The following ELMO2 variants were observed in gnomAD, a reference collection of about 807,000 sequenced individuals.
The protein encoded by ELMO2 is engulfment and cell motility 2, also known as engulfment and cell motility protein 2.
Under a neutral mutation model 96.2 loss-of-function variants are expected in ELMO2, and 37 were observed. That is an observed-to-expected ratio of 0.38 (90% CI 0.30 to 0.51). ELMO2 has a LOEUF of 0.51. Ranked by LOEUF, ELMO2 falls within the 20% of genes least tolerant of loss-of-function variation. The pLI is 0.88. For synonymous variants in ELMO2, 315 were observed against 329.4 expected (o/e 0.96, Z 0.47); for missense variants, 561 against 912.6 (o/e 0.61, Z 4.96).
intron 5 of ELMO2, 24 bp downstream of exon 5, chr20:46,393,505 G>A: frequency 6.2e-7 from 1 of 1,611,670 alleles, no homozygotes; most frequent in South Asian, 1.1e-5. Context: ...GGCCCATATT[G>A]ATTTTGCCTC....
rs1247869989 is a variant in ELMO2 at position 46,387,433 on chromosome 20, T to C, written c.430A>G (p.Ser144Gly). 6.2e-7 allele frequency: 1 copy of C among 1,613,318 alleles called. No individual in the cohort carries two copies. Among genetic ancestry groups the C allele is most frequent in the Non-Finnish European group, 8.5e-7 (1 of 1,179,556 alleles). Residue 144 changes from serine to glycine, a missense_variant, in exon 8 of 22, where the codon AGT becomes GGT. Ser to Gly is a moderately conservative substitution (Grantham distance 56). Coordinates refer to ENST00000290246, the MANE Select transcript of ELMO2 (RefSeq NM_133171.5). ...GTCAGGGTGAATGCCAGCATCTCAC[T>C]GTAGCTGAGACACGTGCAACACACA... ...ESGTKLLSHYSEMLAFTLTAF... is the reference protein window; with the variant it reads ...ESGTKLLSHYGEMLAFTLTAF...
At chr20:46,405,060 A>G (rs904542541) in intron 1 of ELMO2, among the ~76,000 whole-genome samples, 6 of 152,264 alleles carry the variant, frequency 3.9e-5, no homozygotes, top group Middle Eastern at 3.4e-3. Context: ...TTTGGTAAAT[A>G]TTTATATTGC....
chr20:46,394,253 C>T, intron 3 of ELMO2, 152 bp downstream of exon 3: 1 of 1,115,762 alleles, frequency 9.0e-7, no homozygotes, highest in Non-Finnish European at 1.3e-6. Flanking sequence ...TGGTGACCGA[C>T]CTTCCCTAGG....
At chr20:46,392,998 C>A in intron 6 of ELMO2, 95 bp downstream of exon 6, 1 of 1,103,460 alleles carries the variant, frequency 9.1e-7, no homozygotes, top group Admixed American at 1.9e-5. Context: ...TTCTTATCTC[C>A]AGAGTACTTA....
chr20:46,370,237 T>C (rs2059674671), intron 20 of ELMO2: 3 of 680,286 alleles, frequency 4.4e-6, no homozygotes, highest in Non-Finnish European at 8.1e-6. Context: ...GAGAAACAAG[T>C]GGATGGGCAG....
chr20:46,406,603 C>T lies in ELMO2; in HGVS notation c.-181G>A, dbSNP rs1040273238. ...CCCGGGTCTCCGCTCGGCGGCTCCT[C>T]CAGCCTCCGCCCGCCCCGCCTTCTT... On this transcript the variant is annotated 5_prime_UTR_variant, in exon 1 of 22. Transcript: ENST00000290246. The T allele has an allele frequency of 1.3e-5, 2 of 152,808 alleles. No individual in the cohort carries two copies. The highest frequency in any genetic ancestry group is 2.9e-5 in the Non-Finnish European group (2 of 68,520). The allele number at this position is 152,808 out of a possible 1,614,324, so 9.5% of individuals were successfully genotyped here. A position where few individuals can be genotyped will look rare whatever the true frequency, so the allele number is the denominator to read the frequency against.
At position 46,387,124 on chromosome 20, in the gene ELMO2, A is replaced by T. The variant is rs996633689; in HGVS notation, c.525+214T>A. Among the ~76,000 whole-genome samples, 43 of 152,136 alleles carry T rather than the reference A, an allele frequency of 2.8e-4. 2 individuals are homozygous for T. Reference sequence around the variant, plus strand: ...TCTACTTTGATCATATTTAGTTCTGACGGTCCAGTTCCATCTCAGTGCAGG... The same window carrying T: ...TCTACTTTGATCATATTTAGTTCTGTCGGTCCAGTTCCATCTCAGTGCAGG... On this transcript the variant is annotated intron_variant, in intron 8 of 21. Coordinates refer to ENST00000290246, the MANE Select transcript of ELMO2 (RefSeq NM_133171.5).
chr20:46,400,492 C>A (rs2060317385), intron 1 of ELMO2, among the ~76,000 whole-genome samples: 1 of 152,268 alleles, frequency 6.6e-6, no homozygotes, highest in South Asian at 2.1e-4. Flanking sequence ...CGCCACTCAG[C>A]AGTACTGTAG....
chr20:46,382,151 T>C, intron 10 of ELMO2: 1 of 1,281,790 alleles, frequency 7.8e-7, no homozygotes, highest in Non-Finnish European at 1.0e-6. Flanking sequence ...TTGCCTAGCT[T>C]TGACTTCCCC....
intron 7 of ELMO2, 143 bp from the exon 8 acceptor site, chr20:46,387,580 G>A: frequency 1.8e-6 from 1 of 543,236 alleles, no homozygotes; most frequent in Admixed American, 2.6e-5. Flanking sequence ...GTAAGTGCCT[G>A]TGTGCACACC....
Position 46,366,957 on chromosome 20 carries a change from C to T in ELMO2, c.*403G>A, listed in dbSNP as rs41307167. The T allele has an allele frequency of 0.012, 1,967 of 166,396 alleles. 32 individuals carry two copies. The highest frequency in any genetic ancestry group is 0.045 in the African/African-American group (1,871 of 42,010). The allele number at this position is 166,396 out of a possible 1,614,324, so 10.3% of individuals were successfully genotyped here. A position where few individuals can be genotyped will look rare whatever the true frequency, so the allele number is the denominator to read the frequency against. On this transcript the variant is annotated 3_prime_UTR_variant, in exon 22 of 22. Transcript: ENST00000290246. ...TCTCAACACGCCCAACACACCTGTC[C>T]TCTGCAGGCAGCCTTTCCTGGGCCA...
At chr20:46,395,259 A>G (rs1446664012) in intron 2 of ELMO2, among the ~76,000 whole-genome samples, 1 of 152,178 alleles carries the variant, frequency 6.6e-6, no homozygotes, top group Non-Finnish European at 1.5e-5. Flanking sequence ...TCCAAAATAA[A>G]GGAAAATAAA....
intron 2 of ELMO2, among the ~76,000 whole-genome samples, chr20:46,398,041 T>C (rs548184907): frequency 6.6e-6 from 1 of 152,290 alleles, no homozygotes; most frequent in East Asian, 1.9e-4. Flanking sequence ...TTTCTACTCA[T>C]TGCAACTAAT....
chr20:46,377,397 T>C (rs184911008), intron 11 of ELMO2, among the ~76,000 whole-genome samples: 1 of 152,284 alleles, frequency 6.6e-6, no homozygotes, highest in Admixed American at 6.5e-5. Context: ...ATCATGTGCA[T>C]GGTTTGGGTT....
chr20:46,368,243 C>T (rs1036988464), intron 21 of ELMO2, among the ~76,000 whole-genome samples: 1 of 152,136 alleles, frequency 6.6e-6, no homozygotes, highest in Non-Finnish European at 1.5e-5. Flanking sequence ...AGTCCCACCT[C>T]TAGTTCCCAG....
chr20:46,371,812 G>C lies in ELMO2; in HGVS notation c.1574C>G (p.Pro525Arg). ...RMSQDDFQSP[P>R]IVELREKIQP... ...CCCCTGAGATGGAACTTACACAATTGGCGGGGACTGGAAGTCATCCTGACT... is the reference window on the plus strand; with the variant it reads ...CCCCTGAGATGGAACTTACACAATTCGCGGGGACTGGAAGTCATCCTGACT... Residue 525 changes from proline to arginine, a missense_variant, in exon 17 of 22, where the codon CCA becomes CGA. Physicochemically the swap from Pro to Arg is moderately radical, Grantham distance 103. Transcript: ENST00000290246. The surrounding 1 kb of genome is among the most constrained non-coding windows in gnomAD (Gnocchi z 5.9). 6.2e-7 allele frequency: 1 copy of C among 1,614,158 alleles called. No homozygotes were observed. The highest frequency in any genetic ancestry group is 1.1e-5 in the South Asian group (1 of 91,080).
chr20:46,393,719 A>C (rs1416528232), intron 4 of ELMO2, 118 bp from the exon 5 acceptor site: 1 of 1,140,968 alleles, frequency 8.8e-7, no homozygotes, highest in African/African-American at 1.5e-5. Context: ...AATACAGTGG[A>C]AACAAAGCTT....
chr20:46,380,539 A>G (rs1388623949), intron 10 of ELMO2, among the ~76,000 whole-genome samples: 1 of 152,222 alleles, frequency 6.6e-6, no homozygotes, highest in Non-Finnish European at 1.5e-5. Flanking sequence ...TTCCTTTCCT[A>G]ATGGCACAAT....
chr20:46,370,364 T>A, intron 20 of ELMO2, 79 bp downstream of exon 20: 1 of 1,259,518 alleles, frequency 7.9e-7, no homozygotes, highest in Non-Finnish European at 1.2e-6. Flanking sequence ...ATGCCAAGAA[T>A]GCACCTGGAA....
Sources: gnomAD v4.1 joint callset for allele counts (sites outside exome capture counted in the v4.1 genomes callset) on GRCh38, gnomAD v4.1.1 for gene constraint, Gnocchi (gnomAD v3.1) non-coding constraint, MANE v1.5 for transcripts, NCBI Gene and HGNC (gene_info 2026-07-23, HGNC 2026-07-21) for gene names.